The following FNDC3B variants were observed in gnomAD, a reference collection of about 807,000 sequenced individuals.
FNDC3B encodes fibronectin type III domain containing 3B.
In FNDC3B, 12 loss-of-function variants were observed where a neutral mutation model predicts 151.5. The observed-to-expected ratio is 0.08, with a 90% CI of 0.05 to 0.13. The LOEUF (loss-of-function observed/expected upper bound fraction) is 0.13, where lower values mean the gene tolerates loss of function less well. Among genes scored for constraint, FNDC3B ranks in the 10% least tolerant of loss-of-function variants. The pLI, the probability that FNDC3B is intolerant of heterozygous loss-of-function variation, is 1.00. For synonymous variants in FNDC3B, 528 were observed against 549.0 expected (o/e 0.96, Z 0.54); for missense variants, 1,214 against 1,505.3 (o/e 0.81, Z 3.20).
Position 172,176,036 on chromosome 3 carries a change from A to T in FNDC3B, c.187+42490A>T, listed in dbSNP as rs534993628. ...AGGTGTGCAAGCCCCACTTGGCTAA[A>T]ATATTGGTTAGAGCAATAAAATCCT... On this transcript the variant is annotated intron_variant, in intron 3 of 25. Transcript: ENST00000415807. Among the ~76,000 whole-genome samples, 3 of 152,386 alleles carry T rather than the reference A, an allele frequency of 2.0e-5. No individual in the cohort carries two copies. In the South Asian group the frequency reaches 6.2e-4, roughly 32 times the overall value.
intron 6 of FNDC3B, among the ~76,000 whole-genome samples, chr3:172,259,077 A>G (rs1396773820): frequency 6.6e-6 from 1 of 152,122 alleles, no homozygotes; most frequent in Non-Finnish European, 1.5e-5. Context: ...GTGATGATGA[A>G]TCCTGTGTTT....
intron 25 of FNDC3B, among the ~76,000 whole-genome samples, chr3:172,391,116 C>A (rs1293997341): frequency 6.6e-6 from 1 of 152,128 alleles, no homozygotes; most frequent in Non-Finnish European, 1.5e-5. Context: ...CTGGGATCCA[C>A]CACTCCCTTT....
At chr3:172,131,220 C>A (rs1028003654) in intron 2 of FNDC3B, among the ~76,000 whole-genome samples, 28 of 151,928 alleles carry the variant, frequency 1.8e-4, no homozygotes, top group African/African-American at 6.5e-4. Flanking sequence ...ATGGAGAAAC[C>A]CCATCTCTAC....
At chr3:172,066,227 A>G (rs555360485) in intron 1 of FNDC3B, among the ~76,000 whole-genome samples, 4 of 152,302 alleles carry the variant, frequency 2.6e-5, no homozygotes, top group Non-Finnish European at 5.9e-5. Context: ...TGGGTGTTCA[A>G]TATGGGTGGG....
chr3:172,342,983 A>G, intron 17 of FNDC3B, 28 bp from the exon 18 acceptor site: 2 of 1,354,054 alleles, frequency 1.5e-6, no homozygotes, highest in Non-Finnish European at 2.1e-6. Flanking sequence ...TAACTAAGAG[A>G]TGGTTCTCTC....
At position 172,099,365 on chromosome 3, in the gene FNDC3B, A is replaced by G. The variant is rs140459382; in HGVS notation, c.-28-13087A>G. ...ACCCTAGAAAATACTAGATCAAATCATGGCGGGACTTAAAATGGGCTCATT... is the reference window on the plus strand; with the variant it reads ...ACCCTAGAAAATACTAGATCAAATCGTGGCGGGACTTAAAATGGGCTCATT... On this transcript the variant is annotated intron_variant, in intron 1 of 25. Transcript: ENST00000415807. Among the ~76,000 whole-genome samples, 153 of 152,292 alleles carry G rather than the reference A, an allele frequency of 1.0e-3. 4 individuals are homozygous for G. The East Asian group carries it at 0.026, about 26-fold the overall frequency.
chr3:172,130,505 A>G (rs1319784838), intron 2 of FNDC3B, among the ~76,000 whole-genome samples: 2 of 152,258 alleles, frequency 1.3e-5, no homozygotes, highest in African/African-American at 4.8e-5. Context: ...GATGGGGGTC[A>G]GGAATTGAAC....
At chr3:172,360,296 A>G (rs11927514) in intron 22 of FNDC3B, among the ~76,000 whole-genome samples, 2,543 of 152,112 alleles carry the variant, frequency 0.017, 68 homozygotes, top group African/African-American at 0.059. Flanking sequence ...GCCCATTTTT[A>G]ATGGATTATT....
chr3:172,307,528 G>A (rs377125339), intron 10 of FNDC3B, 27 bp downstream of exon 10: 20 of 1,612,728 alleles, frequency 1.2e-5, no homozygotes, highest in African/African-American at 6.7e-5. Flanking sequence ...ATCAAGAATC[G>A]TCTCAATTTA....
intron 22 of FNDC3B, among the ~76,000 whole-genome samples, chr3:172,353,928 A>G (rs905855922): frequency 2.0e-5 from 3 of 149,630 alleles, no homozygotes; most frequent in Non-Finnish European, 4.4e-5. Context: ...TGGAAATTGA[A>G]TAGCTTTAGA....
rs1353581381 is a variant in FNDC3B at position 172,347,248 on chromosome 3, A to G, written c.2401A>G (p.Arg801Gly). The part of the protein sequence containing the change: ...DSSGADISEY[R>G]LEWGEDEESL... ...TTCTGGTGCTGACATCTCAGAGTAC[A>G]GGTTGGAATGGGGAGAAGATGAAGA... The change falls in exon 21 of 26, where the codon AGG (arginine) becomes GGG (glycine). Residue 801 changes from arginine to glycine, a missense_variant. By Grantham distance (125) the Arg-to-Gly change is moderately radical. Coordinates refer to ENST00000415807, the MANE Select transcript of FNDC3B (RefSeq NM_022763.4). 7 of 1,613,920 alleles carry G rather than the reference A, an allele frequency of 4.3e-6. No individual in the cohort carries two copies. The highest frequency in any genetic ancestry group is 1.3e-5 in the African/African-American group (1 of 74,912).
At chr3:172,263,787 C>T (rs1728782642) in intron 6 of FNDC3B, among the ~76,000 whole-genome samples, 1 of 152,046 alleles carries the variant, frequency 6.6e-6, no homozygotes, top group Non-Finnish European at 1.5e-5. Context: ...ATAGTGGTCT[C>T]AACATCATCT....
chr3:172,261,994 T>C (rs554047549), intron 6 of FNDC3B, among the ~76,000 whole-genome samples: 1 of 152,098 alleles, frequency 6.6e-6, no homozygotes, highest in South Asian at 2.1e-4. Context: ...AAAAGAGAAT[T>C]GTGATGGTTC....
At position 172,278,263 on chromosome 3, in the gene FNDC3B, G is replaced by T. The variant is rs115713740; in HGVS notation, c.791-7663G>T. 4.4e-3 allele frequency among the ~76,000 whole-genome samples: 667 copies of T among 152,250 alleles called. 6 individuals carry two copies. Among genetic ancestry groups the T allele is most frequent in the African/African-American group, 0.015 (628 of 41,544 alleles). ...AAGCTGCTTGAAAAAATGTAATATG[G>T]TATGCCAAGTCCTAATGAAAAAACA... On this transcript the variant is annotated intron_variant, in intron 6 of 25. Coordinates refer to ENST00000415807, the MANE Select transcript of FNDC3B (RefSeq NM_022763.4).
intron 11 of FNDC3B, among the ~76,000 whole-genome samples, chr3:172,324,471 C>A (rs541534327): frequency 6.6e-6 from 1 of 152,312 alleles, no homozygotes; most frequent in African/African-American, 2.4e-5. Context: ...AAACAACCCA[C>A]GTTTGCAATG....
At chr3:172,387,985 T>A (rs1208362762) in intron 25 of FNDC3B, among the ~76,000 whole-genome samples, 2 of 152,210 alleles carry the variant, frequency 1.3e-5, no homozygotes, top group Non-Finnish European at 2.9e-5. Flanking sequence ...CGGCGACAAG[T>A]CTCCCTCCCA....
Position 172,307,492 on chromosome 3 carries a change from G to A in FNDC3B, c.1191G>A (p.Leu397=), listed in dbSNP as rs1392695062. The stretch of plus-strand genomic sequence containing the variant: ...ATAGGAGCAAAAGTTCACTAACCCT[G>A]CAGTGGAAGGTGGGTAGCTCAAAGC... ...LAHRSKSSLT[L]QWKAPIDNGS... Residue 397 remains leucine, a synonymous_variant, in exon 10 of 26, where the codon CTG becomes CTA. Transcript: ENST00000415807. 2 of 1,613,956 alleles carry A rather than the reference G, an allele frequency of 1.2e-6. No homozygotes were observed. The highest frequency in any genetic ancestry group is 1.1e-5 in the South Asian group (1 of 91,086).
At chr3:172,287,524 A>G (rs890187715) in intron 7 of FNDC3B, among the ~76,000 whole-genome samples, 8 of 152,238 alleles carry the variant, frequency 5.3e-5, no homozygotes, top group Non-Finnish European at 1.2e-4. Flanking sequence ...AGAATTATGG[A>G]AAAAGCTTAT....
At chr3:172,167,118 G>A (rs938305235) in intron 3 of FNDC3B, among the ~76,000 whole-genome samples, 2 of 152,152 alleles carry the variant, frequency 1.3e-5, no homozygotes, top group African/African-American at 2.4e-5. Flanking sequence ...CTTAAGGGCC[G>A]GGTACATTGG....
Sources: gnomAD v4.1 joint callset for allele counts (sites outside exome capture counted in the v4.1 genomes callset) on GRCh38, gnomAD v4.1.1 for gene constraint, MANE v1.5 for transcripts, NCBI Gene and HGNC (gene_info 2026-07-23, HGNC 2026-07-21) for gene names.